The following CCDC91 variants were observed in gnomAD, a reference collection of about 807,000 sequenced individuals.
CCDC91 encodes the protein coiled-coil domain containing 91, also known as coiled-coil domain-containing protein 91.
Under a neutral mutation model 63.2 loss-of-function variants are expected in CCDC91, and 48 were observed. That is an observed-to-expected ratio of 0.76 (90% CI 0.60 to 0.97). The LOEUF is 0.97. CCDC91 is among the 50% of genes least tolerant of loss of function. The pLI, the probability that CCDC91 is intolerant of heterozygous loss-of-function variation, is 0.00. For missense variants in CCDC91, 500 were observed against 494.6 expected, an observed-to-expected ratio of 1.01 and a Z score of -0.10; for synonymous variants, 167 against 165.8, an observed-to-expected ratio of 1.01 and a Z score of -0.06.
intron 11 of CCDC91, among the ~76,000 whole-genome samples, chr12:28,453,067 T>C (rs1313731367): frequency 6.6e-6 from 1 of 151,936 alleles, no homozygotes; most frequent in Non-Finnish European, 1.5e-5. Context: ...TAATTTATAA[T>C]TCTAATTTGT....
intron 3 of CCDC91, among the ~76,000 whole-genome samples, chr12:28,273,742 C>G (rs1315670171): frequency 1.3e-5 from 2 of 151,926 alleles, no homozygotes; most frequent in South Asian, 4.2e-4. Context: ...GGATATTAGC[C>G]CTTTGTCAGA....
chr12:28,228,408 A>G (rs1944403876), intron 1 of CCDC91, among the ~76,000 whole-genome samples: 1 of 152,138 alleles, frequency 6.6e-6, no homozygotes, highest in Non-Finnish European at 1.5e-5. Flanking sequence ...ATCCAAGGAC[A>G]TAAGGACTTA....
chr12:28,359,084 C>T (rs1943708462), intron 6 of CCDC91, among the ~76,000 whole-genome samples: 3 of 152,072 alleles, frequency 2.0e-5, no homozygotes, highest in Admixed American at 2.0e-4. Flanking sequence ...TTAGTAGAGA[C>T]AGGGTTTCAC....
chr12:28,429,404 A>G (rs1366419654), intron 8 of CCDC91, among the ~76,000 whole-genome samples: 1 of 152,138 alleles, frequency 6.6e-6, no homozygotes, highest in Non-Finnish European at 1.5e-5. Context: ...AGGGCTTTCA[A>G]TGTACCAGGC....
chr12:28,431,381 C>G (rs190423537), intron 8 of CCDC91, among the ~76,000 whole-genome samples: 1 of 152,114 alleles, frequency 6.6e-6, no homozygotes, highest in East Asian at 1.9e-4. Flanking sequence ...TCTCTTACTG[C>G]TTGCTTTATG....
rs1938638898 is a variant in CCDC91 at position 28,305,698 on chromosome 12, T to C, written c.159T>C (p.Arg53=). Residue 53 remains arginine, a synonymous_variant, in exon 4 of 13, where the codon CGT becomes CGC. Coordinates refer to ENST00000536442, the MANE Select transcript of CCDC91 (RefSeq NM_018318.5). ...SPSSPEIVLD[R]DHSSSIGCLS... is the part of the protein sequence containing the mutation. ...CTTCTCCTGAGATTGTACTGGACCG[T>C]GACCACTCTTCTTCCATTGGCTGCC... is the stretch of plus-strand genomic sequence containing the variant. 9 of 1,613,512 alleles carry C rather than the reference T, an allele frequency of 5.6e-6. No individual in the cohort carries two copies. The highest frequency in any genetic ancestry group is 7.6e-6 in the Non-Finnish European group (9 of 1,179,592).
At chr12:28,332,084 TA>T (rs1010657599) in intron 6 of CCDC91, among the ~76,000 whole-genome samples, 2 of 152,208 alleles carry the variant, frequency 1.3e-5, no homozygotes, top group Non-Finnish European at 2.9e-5. Flanking sequence ...TATGTAAATT[TA>T]TTTTTATCCT....
At chr12:28,458,334 A>AT (rs1008163108) in intron 11 of CCDC91, among the ~76,000 whole-genome samples, 4 of 149,598 alleles carry the variant, frequency 2.7e-5, no homozygotes, top group Non-Finnish European at 4.4e-5. Context: ...TTTTCCTTCT[A>AT]TTATATTTTT....
chr12:28,359,176 GAGCCAC>G (rs1225511613), intron 6 of CCDC91, among the ~76,000 whole-genome samples: 2 of 152,010 alleles, frequency 1.3e-5, no homozygotes, highest in Non-Finnish European at 2.9e-5. Context: ...TTACGGGCGT[GAGCCAC>G]AGCACCCAGC....
rs188497756 is a variant in CCDC91 at position 28,290,320 on chromosome 12, T to C, written c.110-15329T>C. Reference sequence around the variant, plus strand: ...CTGTTTTTTTCTGACATAAGGATTGTAATCCTTGCTTTTTTTCTGATTTCC... The same window carrying C: ...CTGTTTTTTTCTGACATAAGGATTGCAATCCTTGCTTTTTTTCTGATTTCC... On this transcript the variant is annotated intron_variant, in intron 3 of 12. Transcript: ENST00000536442. 1.0e-3 allele frequency among the ~76,000 whole-genome samples: 157 copies of C among 152,322 alleles called. 1 individual carries two copies. Among genetic ancestry groups the C allele is most frequent in the African/African-American group, 3.4e-3 (142 of 41,584 alleles).
chr12:28,286,356 T>C (rs1948917304), intron 3 of CCDC91, among the ~76,000 whole-genome samples: 1 of 152,124 alleles, frequency 6.6e-6, no homozygotes, highest in Admixed American at 6.5e-5. Context: ...CCTGATCTTC[T>C]CCCTCCTCCC....
chr12:28,478,245 T>G (rs577064766), intron 11 of CCDC91, among the ~76,000 whole-genome samples: 1 of 152,226 alleles, frequency 6.6e-6, no homozygotes, highest in African/African-American at 2.4e-5. Flanking sequence ...AACAGCATGG[T>G]ACTGTTACCA....
At chr12:28,473,663 T>C (rs1300175433) in intron 11 of CCDC91, among the ~76,000 whole-genome samples, 1 of 152,166 alleles carries the variant, frequency 6.6e-6, no homozygotes, top group African/African-American at 2.4e-5. Flanking sequence ...AAACTTGGCA[T>C]TGATTCCTGA....
intron 6 of CCDC91, among the ~76,000 whole-genome samples, chr12:28,323,304 TC>T (rs1351760611): frequency 6.6e-6 from 1 of 151,832 alleles, no homozygotes; most frequent in Non-Finnish European, 1.5e-5. Flanking sequence ...TATCTGGACT[TC>T]GTATTGATAG....
intron 11 of CCDC91, among the ~76,000 whole-genome samples, chr12:28,454,265 A>C (rs1159676041): frequency 6.6e-5 from 10 of 152,144 alleles, no homozygotes; most frequent in Non-Finnish European, 1.3e-4. Flanking sequence ...AATAACAGCT[A>C]CCTCTCACAG....
chr12:28,367,255 G>GT (rs1381321481), intron 7 of CCDC91, among the ~76,000 whole-genome samples: 1 of 152,158 alleles, frequency 6.6e-6, no homozygotes, highest in African/African-American at 2.4e-5. Context: ...TGAAACCAAT[G>GT]TGAAAACAGA....
At chr12:28,395,648 C>T (rs1946244842) in intron 8 of CCDC91, among the ~76,000 whole-genome samples, 1 of 152,100 alleles carries the variant, frequency 6.6e-6, no homozygotes, top group South Asian at 2.1e-4. Flanking sequence ...ATCCTAAAAT[C>T]TTGGAATTTT....
intron 7 of CCDC91, among the ~76,000 whole-genome samples, chr12:28,362,776 A>G (rs1176260487): frequency 6.6e-6 from 1 of 152,194 alleles, no homozygotes; most frequent in Non-Finnish European, 1.5e-5. Context: ...CAAGTACAAA[A>G]TAATATAGAA....
intron 10 of CCDC91, among the ~76,000 whole-genome samples, chr12:28,451,944 AAAT>A (rs1363592929): frequency 1.3e-5 from 2 of 151,690 alleles, no homozygotes; most frequent in Non-Finnish European, 3.0e-5. Flanking sequence ...CAGAAGGAAG[AAAT>A]AAGAATTAAT....
Sources: gnomAD v4.1 joint callset for allele counts (sites outside exome capture counted in the v4.1 genomes callset) on GRCh38, gnomAD v4.1.1 for gene constraint, MANE v1.5 for transcripts, NCBI Gene and HGNC (gene_info 2026-07-23, HGNC 2026-07-21) for gene names.